Variants in CCDC154 observed in about 807,000 individuals in gnomAD.
CCDC154 encodes coiled-coil domain containing 154, also known as coiled-coil domain-containing protein 154.
A neutral mutation model predicts 87.5 loss-of-function variants in CCDC154; 91 were observed. The ratio of observed to expected loss-of-function variants is 1.04; its 90% CI spans 0.88 to 1.24. The LOEUF is 1.24. Among genes scored for constraint, CCDC154 ranks in the 50% most tolerant of loss-of-function variants. The pLI is 0.00. For synonymous variants in CCDC154, 418 were observed against 400.4 expected, an observed-to-expected ratio of 1.04 and a Z score of -0.52; for missense variants, 903 against 879.2, an observed-to-expected ratio of 1.03 and a Z score of -0.34.
rs1263349667 is a variant in CCDC154, at chr16:1,444,005, A to G, written c.15T>C (p.Ala5=). Residue 5 remains alanine, a synonymous_variant, in exon 2 of 17, where the codon GCT becomes GCC. Coordinates refer to ENST00000389176, the MANE Select transcript of CCDC154 (RefSeq NM_001143980.3). The part of the protein sequence containing the change: MSEL[A]DSGPSGASAP... ...CCGATGCCCCTGAGGGTCCACTGTC[A>G]GCCAACTCTACAAGGAGGCATCTTG... is the stretch of plus-strand genomic sequence containing the variant. 2.0e-5 allele frequency: 26 copies of G among 1,299,510 alleles called. No individual in the cohort carries two copies. The highest frequency in any genetic ancestry group is 2.6e-5 in the Non-Finnish European group (26 of 988,898). 80.5% of individuals were successfully genotyped at this position (1,299,510 alleles called of 1,614,324 possible). A position where few individuals can be genotyped will look rare whatever the true frequency, so the allele number is the denominator to read the frequency against.
chr16:1,436,625 C>G (rs886076421), intron 12 of CCDC154, 67 bp downstream of exon 12: 19 of 1,545,888 alleles, frequency 1.2e-5, no homozygotes, highest in Non-Finnish European at 1.5e-5. Context: ...GGACAAGGTG[C>G]AGGGAGAAGG....
At chr16:1,435,581 A>G (rs2038494037) in intron 14 of CCDC154, among the ~76,000 whole-genome samples, 1 of 152,162 alleles carries the variant, frequency 6.6e-6, no homozygotes, top group African/African-American at 2.4e-5. Flanking sequence ...GTTAGAATGC[A>G]ATGGCGCGAT....
chr16:1,436,280 C>T (rs1329188637), intron 13 of CCDC154, among the ~76,000 whole-genome samples, 165 bp downstream of exon 13: 1 of 152,200 alleles, frequency 6.6e-6, no homozygotes, highest in Non-Finnish European at 1.5e-5. Flanking sequence ...GCCTCAGAGG[C>T]TGCACCAGGG....
At chr16:1,440,956 A>C (rs1422521499) in intron 6 of CCDC154, among the ~76,000 whole-genome samples, 1 of 151,942 alleles carries the variant, frequency 6.6e-6, no homozygotes, top group East Asian at 1.9e-4. Flanking sequence ...GTCTTAAAAA[A>C]AAAAAAAAAA....
chr16:1,443,082 G>C, intron 4 of CCDC154, 107 bp from the exon 5 acceptor site: 1 of 1,433,358 alleles, frequency 7.0e-7, no homozygotes, highest in South Asian at 1.2e-5. Flanking sequence ...TGGCTTTCCT[G>C]GGCCTCTGAA....
intron 6 of CCDC154, among the ~76,000 whole-genome samples, chr16:1,439,730 T>C (rs1034477487): frequency 1.3e-5 from 2 of 152,162 alleles, no homozygotes; most frequent in East Asian, 1.9e-4. Context: ...TATTTTTCTG[T>C]AAAAAGCCAG....
At position 1,436,459 on chromosome 16, in the gene CCDC154, G is replaced by A. The variant is rs1314840131; in HGVS notation, c.1473C>T (p.Ala491=). 29 of 1,548,566 alleles carry A rather than the reference G, an allele frequency of 1.9e-5. No individual in the cohort carries two copies. The highest frequency in any genetic ancestry group is 1.7e-4 in the East Asian group (7 of 40,930). The change falls in exon 13 of 17, where the codon GCC becomes GCT. Residue 491 remains alanine, a synonymous_variant. Coordinates refer to ENST00000389176, the MANE Select transcript of CCDC154 (RefSeq NM_001143980.3). ...GGAGGCTGTACCTGGCCTTGCCTTC[G>A]GCGGAAATCCTGAGGTCTGAGTCGC... ...HKSDSDLRIS[A]EGKAREFKVG...
At position 1,434,498 on chromosome 16, in the gene CCDC154, C is replaced by A. The variant is rs2038480435; in HGVS notation, c.1914G>T (p.Arg638Ser). The change falls in exon 17 of 17, where the codon AGG becomes AGT. Residue 638 changes from arginine (R) to serine (S), a missense_variant. Physicochemically the swap from Arg to Ser is moderately radical, Grantham distance 110 (BLOSUM62 -1). Coordinates refer to ENST00000389176, the MANE Select transcript of CCDC154 (RefSeq NM_001143980.3). The part of the protein sequence containing the change: ...LRWKASLIKL[R>S]ALRRPGGVLE... ...GGACCCCTCCTGGCCTCCGCAGGGC[C>A]CTGAGCTTTATGAGGGACGCCTTCC... 2 of 1,549,524 alleles carry A rather than the reference C, an allele frequency of 1.3e-6. No individual in the cohort carries two copies. The highest frequency in any genetic ancestry group is 1.7e-6 in the Non-Finnish European group (2 of 1,146,770).
Position 1,438,904 on chromosome 16 carries a change from C to T in CCDC154, c.817G>A (p.Gly273Ser), listed in dbSNP as rs2038526752. The change falls in exon 8 of 17, where the codon GGC becomes AGC. Residue 273 changes from glycine (G) to serine (S), a missense_variant. Coordinates refer to ENST00000389176, the MANE Select transcript of CCDC154 (RefSeq NM_001143980.3). ...CTCTCCAGCTCGCCCCGCAGGCTGCCCTCCAGCTTCAGCCGTGAGCTCTCC... is the reference window on the plus strand; with the variant it reads ...CTCTCCAGCTCGCCCCGCAGGCTGCTCTCCAGCTTCAGCCGTGAGCTCTCC... ...ASESSRLKLE[G>S]SLRGELESRW... The T allele has an allele frequency of 6.5e-7, 1 of 1,549,576 alleles. No individual in the cohort carries two copies.
At position 1,442,960 on chromosome 16, in the gene CCDC154, C is replaced by A. The variant is rs2038567663; in HGVS notation, c.471G>T (p.Arg157=). 3.9e-6 allele frequency: 6 copies of A among 1,549,926 alleles called. No individual in the cohort carries two copies. The highest frequency in any genetic ancestry group is 4.4e-6 in the Non-Finnish European group (5 of 1,146,858). ...QALDKRLVEV[R]EALTRLRRRQ... is the part of the protein sequence containing the mutation. ...TCCTCCTGAGCCGGGTCAAGGCTTC[C>A]CGGACCTCCACCAGCCTGGGACACA... Residue 157 remains arginine, a synonymous_variant, in exon 5 of 17, where the codon CGG becomes CGT. Transcript: ENST00000389176.
Position 1,434,525 on chromosome 16 carries a change from G to A in CCDC154, c.1887C>T (p.Arg629=). 2.6e-6 allele frequency: 4 copies of A among 1,546,874 alleles called. No individual in the cohort carries two copies. The highest frequency in any genetic ancestry group is 1.4e-5 in the African/African-American group (1 of 73,120). Residue 629 remains arginine (R), a synonymous_variant, in exon 17 of 17, where the codon CGC becomes CGT. Transcript: ENST00000389176. The stretch of plus-strand genomic sequence containing the variant: ...TGAGCTTTATGAGGGACGCCTTCCA[G>A]CGCAGCCACCTGTCCAGAGATGCGG... The part of the protein sequence containing the change: ...WGVYQAVRWL[R]WKASLIKLRA...
At chr16:1,443,335 C>G in intron 3 of CCDC154, 34 bp from the exon 4 acceptor site, 1 of 1,539,344 alleles carries the variant, frequency 6.5e-7, no homozygotes, top group Non-Finnish European at 8.7e-7. Flanking sequence ...TGGGCTGGAC[C>G]TAGGCCCGGG....
At chr16:1,434,976 C>CCAGACACTTGGACAGA (rs2038487745) in intron 15 of CCDC154, 113 bp downstream of exon 15, 1 of 1,409,534 alleles carries the variant, frequency 7.1e-7, no homozygotes, top group African/African-American at 1.4e-5. Context: ...CTGCCCATGG[C>CCAGACACTTGGACAGA]CAGACACTTG....
rs780545865 is a variant in CCDC154, at chr16:1,438,088, C to T, written c.1114G>A (p.Glu372Lys). Residue 372 changes from glutamate (E) to lysine (K), a missense_variant, in exon 10 of 17, where the codon GAG (glutamate) becomes AAG (lysine). Physicochemically the swap from Glu to Lys is moderately conservative, Grantham distance 56. Transcript: ENST00000389176. ...ENLEAAQLAG[E>K]LARQEMHGEL... ...CCATGCATCTCCTGCCGGGCCAGCT[C>T]GCCAGCCAGCTGTGCGGCCTCCAGG... 2.5e-5 allele frequency: 39 copies of T among 1,548,672 alleles called. No individual in the cohort carries two copies. The highest frequency in any genetic ancestry group is 1.1e-4 in the African/African-American group (8 of 73,034).
At chr16:1,442,184 G>A (rs1471445569) in intron 6 of CCDC154, among the ~76,000 whole-genome samples, 3 of 152,246 alleles carry the variant, frequency 2.0e-5, no homozygotes, top group African/African-American at 7.2e-5. Context: ...CCAAAGTGCT[G>A]GGATTACAGG....
Position 1,444,032 on chromosome 16 carries a change from G to A in CCDC154, c.8-20C>T, listed in dbSNP as rs2038586365. On this transcript the variant is annotated intron_variant, in intron 1 of 16. Transcript: ENST00000389176. ...CCAACTCTACAAGGAGGCATCTTGG[G>A]AGCTTGCCCCTTGGGGCCCGGCCCC... is the stretch of plus-strand genomic sequence containing the variant. The A allele has an allele frequency of 7.7e-7, 1 of 1,294,390 alleles. No individual in the cohort carries two copies. The highest frequency in any genetic ancestry group is 1.0e-6 in the Non-Finnish European group (1 of 987,830). The allele number at this position is 1,294,390 out of a possible 1,614,324, so 80.2% of individuals were successfully genotyped here. A position where few individuals can be genotyped will look rare whatever the true frequency, so the allele number is the denominator to read the frequency against.
Position 1,443,505 on chromosome 16 carries a change from C to A in CCDC154, c.414+1G>T. ...GACCTGTGGGTGGGGGAGCCGCTCA[C>A]CTCCGGCGCCTCCTTTTCGGGGGCC... is the stretch of plus-strand genomic sequence containing the variant. On this transcript the variant is annotated splice_donor_variant, in intron 3 of 16. Transcript: ENST00000389176. LOFTEE classifies it high-confidence loss of function. 1 of 1,467,650 alleles carries A rather than the reference C, an allele frequency of 6.8e-7. No individual in the cohort carries two copies. Among genetic ancestry groups the A allele is most frequent in the Non-Finnish European group, 8.9e-7 (1 of 1,118,896 alleles). 90.9% of individuals were successfully genotyped at this position (1,467,650 alleles called of 1,614,324 possible). A position where few individuals can be genotyped will look rare whatever the true frequency, so the allele number is the denominator to read the frequency against.
At position 1,443,542 on chromosome 16, in the gene CCDC154, C is replaced by A; in HGVS notation, c.378G>T (p.Arg126=). Residue 126 remains arginine, a synonymous_variant, in exon 3 of 17, where the codon CGG becomes CGT. Transcript: ENST00000389176. The part of the protein sequence containing the change: ...SELRQLQQEA[R]PAAQAPEKEA... The stretch of plus-strand genomic sequence containing the variant: ...CCTTTTCGGGGGCCTGGGCTGCCGG[C>A]CGCGCCTCCTGCTGCAACTGCCTCA... The A allele has an allele frequency of 6.8e-7, 1 of 1,477,678 alleles. No homozygotes were observed. The highest frequency in any genetic ancestry group is 2.4e-4 in the Middle Eastern group (1 of 4,130). 91.5% of individuals were successfully genotyped at this position (1,477,678 alleles called of 1,614,324 possible). A position where few individuals can be genotyped will look rare whatever the true frequency, so the allele number is the denominator to read the frequency against.
intron 12 of CCDC154, 24 bp from the exon 13 acceptor site, chr16:1,436,545 G>T: frequency 6.5e-7 from 1 of 1,547,742 alleles, no homozygotes. Flanking sequence ...CGGGAGCGGC[G>T]GGCAGCCCCA....
Sources: gnomAD v4.1 joint callset for allele counts (sites outside exome capture counted in the v4.1 genomes callset) on GRCh38, gnomAD v4.1.1 for gene constraint, MANE v1.5 for transcripts, NCBI Gene and HGNC (gene_info 2026-07-23, HGNC 2026-07-21) for gene names.